The following INPP4B variants were observed in gnomAD, a reference collection of about 807,000 sequenced individuals.
INPP4B encodes the protein inositol polyphosphate 4-phosphatase type II.
A neutral mutation model predicts 122.5 loss-of-function variants in INPP4B; 55 were observed. That is an observed-to-expected ratio of 0.45 (90% CI 0.36 to 0.56). INPP4B has a LOEUF of 0.56. Ranked by LOEUF, INPP4B falls within the 20% of genes least tolerant of loss-of-function variation. INPP4B has a pLI of 0.00. For synonymous variants in INPP4B, 403 were observed against 388.7 expected, an observed-to-expected ratio of 1.04 and a Z score of -0.43; for missense variants, 1,000 against 1,097.7, an observed-to-expected ratio of 0.91 and a Z score of 1.26.
intron 1 of INPP4B, among the ~76,000 whole-genome samples, chr4:142,775,213 G>C (rs535030193): frequency 6.6e-6 from 1 of 151,666 alleles, no homozygotes; most frequent in South Asian, 2.1e-4. Context: ...TGAGACAGTG[G>C]TTGTCAGGAT....
chr4:142,725,581 A>G (rs1425622092), intron 2 of INPP4B, among the ~76,000 whole-genome samples: 1 of 152,176 alleles, frequency 6.6e-6, no homozygotes, highest in Non-Finnish European at 1.5e-5. Context: ...TCCTATTTAT[A>G]TATTAACATA....
intron 14 of INPP4B, among the ~76,000 whole-genome samples, chr4:142,196,416 C>T (rs937733878): frequency 2.0e-5 from 3 of 152,254 alleles, no homozygotes; most frequent in Non-Finnish European, 4.4e-5. Flanking sequence ...CTAACTGGCT[C>T]TTCCTTCCTG....
intron 2 of INPP4B, among the ~76,000 whole-genome samples, chr4:142,630,000 A>G (rs1193621040): frequency 2.0e-5 from 3 of 152,076 alleles, no homozygotes; most frequent in Admixed American, 6.6e-5. Context: ...TTGTCTAGAC[A>G]TTTGCTAGGA....
chr4:142,427,153 C>T (rs1808278256), intron 5 of INPP4B: 1 of 175,436 alleles, frequency 5.7e-6, no homozygotes, highest in Non-Finnish European at 1.2e-5. Context: ...TCTGTAATAC[C>T]CTTGAAAGAG....
At chr4:142,838,568 G>C (rs904115268) in intron 1 of INPP4B, among the ~76,000 whole-genome samples, 1 of 151,984 alleles carries the variant, frequency 6.6e-6, no homozygotes, top group African/African-American at 2.4e-5. Flanking sequence ...TTCAAAAAAA[G>C]TCAAAAAAGT....
At chr4:142,628,124 C>T (rs1027002461) in intron 2 of INPP4B, among the ~76,000 whole-genome samples, 25 of 151,034 alleles carry the variant, frequency 1.7e-4, no homozygotes, top group Admixed American at 4.0e-4. Context: ...ATGTTTATTG[C>T]GGCATTATTC....
At chr4:142,595,885 A>G (rs1001591147) in intron 2 of INPP4B, among the ~76,000 whole-genome samples, 15 of 151,864 alleles carry the variant, frequency 9.9e-5, no homozygotes, top group Middle Eastern at 3.4e-3. Context: ...TTTGAGATGG[A>G]GTCTTGTTGT....
intron 2 of INPP4B, among the ~76,000 whole-genome samples, chr4:142,584,994 C>T (rs1735858461): frequency 6.6e-6 from 1 of 152,128 alleles, no homozygotes; most frequent in Admixed American, 6.6e-5. Context: ...ATTCTTCCAG[C>T]TTTGACCACT....
chr4:142,771,791 A>G (rs2151001329), intron 1 of INPP4B, among the ~76,000 whole-genome samples: 1 of 152,274 alleles, frequency 6.6e-6, no homozygotes, highest in Non-Finnish European at 1.5e-5. Context: ...AGTATTCTGC[A>G]AGGATTACTG....
intron 2 of INPP4B, among the ~76,000 whole-genome samples, chr4:142,508,565 C>T (rs984132058): frequency 3.3e-5 from 5 of 152,164 alleles, no homozygotes; most frequent in Admixed American, 6.5e-5. Context: ...TGAACCACTG[C>T]GCCCGGCTTA....
chr4:142,636,136 C>A (rs112152276), intron 2 of INPP4B, among the ~76,000 whole-genome samples: 1 of 152,034 alleles, frequency 6.6e-6, no homozygotes, highest in South Asian at 2.1e-4. Flanking sequence ...ACTCAGCACC[C>A]ATTCTGCCTC....
chr4:142,373,353 G>A (rs781088993), intron 7 of INPP4B, among the ~76,000 whole-genome samples: 12 of 152,020 alleles, frequency 7.9e-5, no homozygotes, highest in Non-Finnish European at 1.6e-4. Context: ...TGTTGGAATT[G>A]CTCCCTTTGA....
chr4:142,065,329 C>T (rs1762971512), intron 25 of INPP4B, among the ~76,000 whole-genome samples: 1 of 151,948 alleles, frequency 6.6e-6, no homozygotes, highest in Non-Finnish European at 1.5e-5. Flanking sequence ...AAAATTGGCC[C>T]TGAGCTTTTT....
chr4:142,565,407 A>G (rs890746008), intron 2 of INPP4B, among the ~76,000 whole-genome samples: 15 of 152,242 alleles, frequency 9.9e-5, no homozygotes, highest in Non-Finnish European at 1.3e-4. Flanking sequence ...AATCTTGATC[A>G]TAAGGGATTA....
At position 142,098,328 on chromosome 4, in the gene INPP4B, T is replaced by C. The variant is rs1300642199; in HGVS notation, c.2374+9765A>G. Reference sequence around the variant, plus strand: ...AGGCCACCGTAAAAATGTAGGTTTTTATTCTGAAAACAAACAAACAACAAC... The same window carrying C: ...AGGCCACCGTAAAAATGTAGGTTTTCATTCTGAAAACAAACAAACAACAAC... On this transcript the variant is annotated intron_variant, in intron 23 of 25. Transcript: ENST00000262992. Among the ~76,000 whole-genome samples, 6 of 152,080 alleles carry C rather than the reference T, an allele frequency of 3.9e-5. No homozygotes were observed. The East Asian group carries it at 5.8e-4, about 15-fold the overall frequency.
At chr4:142,580,968 T>G (rs967262664) in intron 2 of INPP4B, among the ~76,000 whole-genome samples, 4 of 152,036 alleles carry the variant, frequency 2.6e-5, no homozygotes, top group Non-Finnish European at 4.4e-5. Context: ...ATGTATAGGA[T>G]TTATCCTTAG....
At chr4:142,549,897 A>C (rs1727565299) in intron 2 of INPP4B, among the ~76,000 whole-genome samples, 1 of 152,112 alleles carries the variant, frequency 6.6e-6, no homozygotes, top group African/African-American at 2.4e-5. Context: ...GGTAGGTGAG[A>C]TGTTACTTTA....
At chr4:142,546,783 G>A (rs1300864549) in intron 2 of INPP4B, among the ~76,000 whole-genome samples, 1 of 152,104 alleles carries the variant, frequency 6.6e-6, no homozygotes, top group Non-Finnish European at 1.5e-5. Context: ...ATACATATTT[G>A]AGGATGTAGT....
At chr4:142,196,169 A>G (rs780141298) in intron 14 of INPP4B, among the ~76,000 whole-genome samples, 2 of 152,354 alleles carry the variant, frequency 1.3e-5, no homozygotes, top group East Asian at 1.9e-4. Flanking sequence ...CATCTATATT[A>G]TAACTCCTAA....
Sources: allele counts gnomAD v4.1 joint callset (sites outside exome capture counted in the v4.1 genomes callset), GRCh38; gene constraint gnomAD v4.1.1; transcripts MANE v1.5; gene names NCBI Gene and HGNC (gene_info 2026-07-23, HGNC 2026-07-21).